The following MTNAP1 variants were observed in gnomAD, a reference collection of about 807,000 sequenced individuals.
The protein encoded by MTNAP1 is mitochondrial nucleoid associated protein 1.
At chr17:73,242,541 C>T in the MTNAP1 span, among the ~76,000 whole-genome samples, 1 of 152,144 alleles carries the variant, frequency 6.6e-6, no homozygotes, top group Non-Finnish European at 1.5e-5. Context: ...AAGCTAATAA[C>T]AGCTACCATT....
the MTNAP1 span, chr17:73,236,575 T>C: frequency 1.9e-6 from 3 of 1,614,144 alleles, no homozygotes; most frequent in Non-Finnish European, 2.5e-6. Context: ...GACTTACCAG[T>C]TTCATTCTGT....
At chr17:73,247,186 G>A in the MTNAP1 span, 50 of 1,529,538 alleles carry the variant, frequency 3.3e-5, no homozygotes, top group Middle Eastern at 1.8e-4. Flanking sequence ...GAGTAGTTGC[G>A]ACAGAAACCA....
At chr17:73,239,680 A>C in the MTNAP1 span, among the ~76,000 whole-genome samples, 294 of 150,812 alleles carry the variant, frequency 1.9e-3, 1 homozygote, top group African/African-American at 7.0e-3. Context: ...CACCACGCCC[A>C]GCTAATTTTT....
the MTNAP1 span, among the ~76,000 whole-genome samples, chr17:73,239,226 G>A: frequency 5.3e-5 from 8 of 151,662 alleles, no homozygotes; most frequent in African/African-American, 1.2e-4. Flanking sequence ...GTGAACCACC[G>A]TGTCCAGCCT....
At chr17:73,239,031 G>A in the MTNAP1 span, among the ~76,000 whole-genome samples, 5 of 152,078 alleles carry the variant, frequency 3.3e-5, no homozygotes, top group Non-Finnish European at 7.4e-5. Flanking sequence ...TCTGCCTCCT[G>A]GGTTCAAGCG....
the MTNAP1 span, among the ~76,000 whole-genome samples, chr17:73,233,533 G>GTACCT: frequency 6.6e-6 from 1 of 152,234 alleles, no homozygotes; most frequent in Non-Finnish European, 1.5e-5. Context: ...CTGTTAGTGT[G>GTACCT]TACCTCCAAA....
chr17:73,243,164 AT>A, the MTNAP1 span: 8 of 657,984 alleles, frequency 1.2e-5, no homozygotes, highest in Admixed American at 2.4e-5. Context: ...TCTGGGTTTT[AT>A]TTTTTTGAGA....
the MTNAP1 span, among the ~76,000 whole-genome samples, chr17:73,234,517 C>G: frequency 1.3e-5 from 2 of 151,692 alleles, no homozygotes; most frequent in Non-Finnish European, 2.9e-5. Flanking sequence ...ATGGTGAAAC[C>G]CCGTCTCTAC....
At chr17:73,232,699 G>A in the MTNAP1 span, 55 of 191,582 alleles carry the variant, frequency 2.9e-4, no homozygotes, top group African/African-American at 1.2e-3. Flanking sequence ...GGGCCGCCTG[G>A]GCTTTCAGGT....
At chr17:73,243,084 T>TG in the MTNAP1 span, 4 of 865,952 alleles carry the variant, frequency 4.6e-6, no homozygotes, top group Admixed American at 5.7e-5. Context: ...TGAATTTTTT[T>TG]TTTTTTTTTT....
chr17:73,235,196 G>A, the MTNAP1 span, among the ~76,000 whole-genome samples: 1 of 151,974 alleles, frequency 6.6e-6, no homozygotes, highest in Non-Finnish European at 1.5e-5. Flanking sequence ...CTCCAGCCTG[G>A]GTGACAGAGT....
the MTNAP1 span, among the ~76,000 whole-genome samples, chr17:73,233,541 A>G: frequency 2.6e-5 from 4 of 152,232 alleles, no homozygotes; most frequent in African/African-American, 9.6e-5. Flanking sequence ...GTGTACCTCC[A>G]AAGAAAGAAA....
chr17:73,248,891 T>C, the MTNAP1 span: 42 of 224,760 alleles, frequency 1.9e-4, no homozygotes, highest in Admixed American at 7.2e-4. Flanking sequence ...GACTCTTTTA[T>C]ACTTTATGGG....
chr17:73,234,486 A>T, the MTNAP1 span, among the ~76,000 whole-genome samples: 3 of 151,862 alleles, frequency 2.0e-5, no homozygotes, highest in Admixed American at 1.3e-4. Context: ...AAGTCAGGAG[A>T]TTGAGACCAT....
chr17:73,239,901 TCTA>T, the MTNAP1 span, among the ~76,000 whole-genome samples: 1 of 152,212 alleles, frequency 6.6e-6, no homozygotes, highest in African/African-American at 2.4e-5. Flanking sequence ...TTCGTCTGAC[TCTA>T]CTAACTATTC....
chr17:73,234,681 C>CAAA, the MTNAP1 span, among the ~76,000 whole-genome samples: 225 of 97,812 alleles, frequency 2.3e-3, 3 homozygotes, highest in African/African-American at 5.1e-3. Context: ...GACTCTGTCT[C>CAAA]AAAAAAAAAA....
At chr17:73,236,228 A>G in the MTNAP1 span, 1 of 1,614,212 alleles carries the variant, frequency 6.2e-7, no homozygotes, top group Non-Finnish European at 8.5e-7. Context: ...TTAAGCAATG[A>G]GAGAGATTCC....
the MTNAP1 span, among the ~76,000 whole-genome samples, chr17:73,233,668 A>C: frequency 2.0e-5 from 3 of 152,214 alleles, no homozygotes; most frequent in African/African-American, 7.2e-5. Context: ...GTTCAAGACC[A>C]GCCTGGCCAA....
At chr17:73,236,742 G>A in the MTNAP1 span, 1 of 1,613,854 alleles carries the variant, frequency 6.2e-7, no homozygotes. Flanking sequence ...CTGATAGTCA[G>A]TTCCAAGCAT....
Sources: gnomAD v4.1 joint callset for allele counts (sites outside exome capture counted in the v4.1 genomes callset) on GRCh38, gnomAD v4.1.1 for gene constraint, MANE v1.5 for transcripts, NCBI Gene and HGNC (gene_info 2026-07-23, HGNC 2026-07-21) for gene names.